The following RSAD1 variants were observed in gnomAD, a reference collection of about 807,000 sequenced individuals.
RSAD1 encodes the protein radical S-adenosyl methionine domain-containing protein 1, mitochondrial.
Under a neutral mutation model 46.2 loss-of-function variants are expected in RSAD1, and 34 were observed. That is an observed-to-expected ratio of 0.74 (90% CI 0.56 to 0.98). The LOEUF is 0.98. RSAD1 is among the 50% of genes least tolerant of loss of function. The pLI is 0.00. For synonymous variants in RSAD1, 260 were observed against 253.5 expected, an observed-to-expected ratio of 1.03 and a Z score of -0.24; for missense variants, 635 against 592.3, an observed-to-expected ratio of 1.07 and a Z score of -0.75.
chr17:50,479,157 G>A (rs2033347690), intron 1 of RSAD1, 138 bp downstream of exon 1: 13 of 955,174 alleles, frequency 1.4e-5, no homozygotes, highest in Non-Finnish European at 1.8e-5. Context: ...CGAGGTCTGG[G>A]ATGGGACCCT....
At chr17:50,480,217 C>T (rs754340344) in intron 3 of RSAD1, 133 bp downstream of exon 3, 6 of 833,984 alleles carry the variant, frequency 7.2e-6, no homozygotes, top group South Asian at 1.6e-5. Flanking sequence ...GGGCCTAGTG[C>T]GACACTTTTA....
In RSAD1 at chr17:50,479,675, A is replaced by G; in HGVS notation, c.182A>G (p.Tyr61Cys). The G allele has an allele frequency of 1.2e-6, 2 of 1,614,000 alleles. No individual in the cohort carries two copies. The highest frequency in any genetic ancestry group is 1.6e-4 in the Middle Eastern group (1 of 6,062). Residue 61 changes from tyrosine to cysteine, a missense_variant, in exon 2 of 9, where the codon TAC (tyrosine) becomes TGC (cysteine). Tyr to Cys is a radical substitution (Grantham distance 194). Coordinates refer to ENST00000258955, the MANE Select transcript of RSAD1 (RefSeq NM_018346.3). ...KRCSYCNFNK[Y>C]IPRRLEEAAM... ...TGCAGTTACTGCAACTTCAACAAGTACATCCCTCGCCGCCTGGAGGAGGCT... is the reference window on the plus strand; with the variant it reads ...TGCAGTTACTGCAACTTCAACAAGTGCATCCCTCGCCGCCTGGAGGAGGCT...
In RSAD1 at chr17:50,483,473, G is replaced by C. The variant is rs1049484458; in HGVS notation, c.1038G>C (p.Leu346=). The C allele has an allele frequency of 6.2e-7, 1 of 1,612,820 alleles. No homozygotes were observed. Among genetic ancestry groups the C allele is most frequent in the African/African-American group, 1.3e-5 (1 of 74,910 alleles). The stretch of plus-strand genomic sequence containing the variant: ...ATGGCACCCGGAAGCGTGTCCCCCT[G>C]GGCAGGCTGGAGCTGTGAGCATCCA... ...FGHGTRKRVP[L]GRLELLEEVL... is the part of the protein sequence containing the mutation. The change falls in exon 6 of 9, where the codon CTG becomes CTC. Residue 346 remains leucine, a synonymous_variant. Transcript: ENST00000258955.
intron 3 of RSAD1, among the ~76,000 whole-genome samples, chr17:50,481,096 A>G (rs1053369873): frequency 2.0e-5 from 3 of 152,224 alleles, no homozygotes; most frequent in African/African-American, 7.2e-5. Flanking sequence ...ATTCATTTTA[A>G]ACAACTGGCC....
Position 50,484,443 on chromosome 17 carries a change from A to C in RSAD1, c.1109A>C (p.His370Pro). 1 of 1,613,426 alleles carries C rather than the reference A, an allele frequency of 6.2e-7. No homozygotes were observed. Among genetic ancestry groups the C allele is most frequent in the Non-Finnish European group, 8.5e-7 (1 of 1,179,854 alleles). Residue 370 changes from histidine to proline, a missense_variant and splice_region_variant, in exon 8 of 9, where the codon CAC (histidine) becomes CCC (proline). Physicochemically the swap from His to Pro is moderately conservative, Grantham distance 77. Transcript: ENST00000258955. The stretch of plus-strand genomic sequence containing the variant: ...CCTCTGACCCTCTGGCTTCCCCAGC[A>C]CTGGCAGCAGTTTGAGCCCCAGCTG... ...LRTDVGITHQ[H>P]WQQFEPQLTL... is the part of the protein sequence containing the mutation.
At chr17:50,479,489 G>C in intron 1 of RSAD1, 140 bp from the exon 2 acceptor site, 1 of 1,023,918 alleles carries the variant, frequency 9.8e-7, no homozygotes, top group Admixed American at 2.5e-5. Flanking sequence ...CCTGCCTTGG[G>C]GAGTTGTGTG....
In RSAD1 at chr17:50,482,099, T is replaced by G. The variant is rs749203004; in HGVS notation, c.483T>G (p.Asp161Glu). 2.0e-5 allele frequency: 32 copies of G among 1,564,234 alleles called. No homozygotes were observed. The South Asian group carries it at 3.8e-4, about 18-fold the overall frequency. Residue 161 changes from aspartate to glutamate, a missense_variant, in exon 4 of 9, where the codon GAT (aspartate) becomes GAG (glutamate). Physicochemically the swap from Asp to Glu is conservative, Grantham distance 45. Transcript: ENST00000258955. Reference protein sequence around the residue: ...NRLSIGLQSLDDTELRLLGRT... With the variant: ...NRLSIGLQSLEDTELRLLGRT... ...CCACCCTCTTTTCCCAGTCCCTAGA[T>G]GACACTGAGCTCCGGCTGTTGGGAC...
At position 50,479,017 on chromosome 17, in the gene RSAD1, C is replaced by A. The variant is rs978468677; in HGVS notation, c.133C>A (p.His45Asn). 1.5e-6 allele frequency: 2 copies of A among 1,355,850 alleles called. No homozygotes were observed. Among genetic ancestry groups the A allele is most frequent in the African/African-American group, 3.0e-5 (2 of 65,748 alleles). 84.0% of individuals were successfully genotyped at this position (1,355,850 alleles called of 1,614,324 possible). A position where few individuals can be genotyped will look rare whatever the true frequency, so the allele number is the denominator to read the frequency against. Residue 45 changes from histidine to asparagine, a missense_variant and splice_region_variant, in exon 1 of 9, where the codon CAC becomes AAC. His to Asn is a moderately conservative substitution (Grantham distance 68, BLOSUM62 1). Transcript: ENST00000258955. ...GGGCCGGCGCGCGGCGCTTTACGTACACGTGAGTAGGGGCGGGGGCGGAGC... is the reference window on the plus strand; with the variant it reads ...GGGCCGGCGCGCGGCGCTTTACGTAAACGTGAGTAGGGGCGGGGGCGGAGC... Reference protein sequence around the residue: ...PAGRRAALYVHWPYCEKRCSY... With the variant: ...PAGRRAALYVNWPYCEKRCSY...
chr17:50,479,441 T>A, intron 1 of RSAD1, 188 bp from the exon 2 acceptor site: 2 of 637,464 alleles, frequency 3.1e-6, no homozygotes, highest in Non-Finnish European at 5.2e-6. Context: ...GAGCCTCAGT[T>A]TTCTCACATT....
chr17:50,484,633 AGACT>A (rs1419458043), intron 8 of RSAD1, 88 bp downstream of exon 8: 62 of 1,532,170 alleles, frequency 4.0e-5, no homozygotes, highest in Middle Eastern at 1.7e-4. Context: ...GAAGTGAGAA[AGACT>A]GACTGGTAAG....
chr17:50,479,516 T>A, intron 1 of RSAD1, 113 bp from the exon 2 acceptor site: 1 of 1,368,520 alleles, frequency 7.3e-7, no homozygotes, highest in Non-Finnish European at 1.0e-6. Flanking sequence ...ATGTCCTAGC[T>A]ACTGTGGAAA....
Position 50,485,360 on chromosome 17 carries a change from A to G in RSAD1, c.*499A>G, listed in dbSNP as rs1385191505. On this transcript the variant is annotated 3_prime_UTR_variant, in exon 9 of 9. Transcript: ENST00000258955. ...AGAGAAGTGAACATTGGAGAAAGCCAGTAGCAACTGTGAGAAATCAGCAAC... is the reference window on the plus strand; with the variant it reads ...AGAGAAGTGAACATTGGAGAAAGCCGGTAGCAACTGTGAGAAATCAGCAAC... 6.5e-6 allele frequency: 1 copy of G among 153,196 alleles called. No individual in the cohort carries two copies. The highest frequency in any genetic ancestry group is 2.4e-5 in the African/African-American group (1 of 41,482). The allele number at this position is 153,196 out of a possible 1,614,324, so 9.5% of individuals were successfully genotyped here.
chr17:50,480,711 G>A (rs2033371031), intron 3 of RSAD1: 1 of 153,368 alleles, frequency 6.5e-6, no homozygotes, highest in Non-Finnish European at 1.5e-5. Context: ...AGCCATTGAA[G>A]GTTTTTAAGT....
chr17:50,485,496 T>A lies in RSAD1; in HGVS notation c.*635T>A, dbSNP rs1598445852. The A allele has an allele frequency of 1.3e-5, 2 of 152,320 alleles. No individual in the cohort carries two copies. The highest frequency in any genetic ancestry group is 4.8e-5 in the African/African-American group (2 of 41,466). The allele number at this position is 152,320 out of a possible 1,614,324, so 9.4% of individuals were successfully genotyped here. On this transcript the variant is annotated 3_prime_UTR_variant, in exon 9 of 9. Coordinates refer to ENST00000258955, the MANE Select transcript of RSAD1 (RefSeq NM_018346.3). ...ATGCTACAAAACCTCATGCCTACTG[T>A]CTGCCACTGCTGGAGAAGGAATCAT...
At chr17:50,482,534 A>C (rs1319621111) in intron 4 of RSAD1, 78 bp downstream of exon 4, 1 of 1,610,922 alleles carries the variant, frequency 6.2e-7, no homozygotes, top group Non-Finnish European at 8.5e-7. Context: ...CCTTCTGAAG[A>C]GAAGGATCCT....
intron 7 of RSAD1, 133 bp downstream of exon 7, chr17:50,483,893 T>G: frequency 1.2e-6 from 1 of 841,200 alleles, no homozygotes; most frequent in Non-Finnish European, 1.8e-6. Context: ...GGGGCCCAGG[T>G]CCAGCTGAGG....
In RSAD1 at chr17:50,479,666, TCAA is replaced by T. The variant is rs2033355422; in HGVS notation, c.177_179del (p.Asn59del). On this transcript the variant is annotated inframe_deletion, in exon 2 of 9. Transcript: ENST00000258955. ...GAGAAGCGCTGCAGTTACTGCAACT[TCAA>T]CAAGTACATCCCTCGCCGCCTGGAG... is the stretch of plus-strand genomic sequence containing the variant. 4 of 1,613,926 alleles carry T rather than the reference TCAA, an allele frequency of 2.5e-6. No individual in the cohort carries two copies. The highest frequency in any genetic ancestry group is 3.4e-6 in the Non-Finnish European group (4 of 1,180,028).
In RSAD1 at chr17:50,484,777, G is replaced by A. The variant is rs369444731; in HGVS notation, c.1245G>A (p.Val415=). 169 of 1,613,992 alleles carry A rather than the reference G, an allele frequency of 1.0e-4. No individual in the cohort carries two copies. The highest frequency in any genetic ancestry group is 1.3e-4 in the Non-Finnish European group (158 of 1,179,998). Residue 415 remains valine (V), a synonymous_variant, in exon 9 of 9, where the codon GTG becomes GTA. Transcript: ENST00000258955. The stretch of plus-strand genomic sequence containing the variant: ...GGTGTTCCTGGGAGGGTCTGGCTGT[G>A]CTGGACTCTCTCTTGCTGACCCTCC... The part of the protein sequence containing the change: ...GLRCSWEGLA[V]LDSLLLTLLP...
At chr17:50,484,417 A>G (rs745781720) in intron 7 of RSAD1, 25 bp from the exon 8 acceptor site, 2 of 1,608,008 alleles carry the variant, frequency 1.2e-6, no homozygotes, top group South Asian at 2.2e-5. Context: ...CCAGCTCCCC[A>G]CCTCTGACCC....
Sources: allele counts gnomAD v4.1 joint callset (sites outside exome capture counted in the v4.1 genomes callset), GRCh38; gene constraint gnomAD v4.1.1; transcripts MANE v1.5; gene names NCBI Gene and HGNC (gene_info 2026-07-23, HGNC 2026-07-21).